IGFL2: variants seen among roughly 807,000 people sequenced by gnomAD.
IGFL2 encodes IGF like family member 2.
In IGFL2, 7 loss-of-function variants were observed where a neutral mutation model predicts 13.9. The ratio of observed to expected loss-of-function variants is 0.51; its 90% confidence interval spans 0.29 to 0.95. The LOEUF is 0.95. Ranked by LOEUF, IGFL2 falls within the 40% of genes least tolerant of loss-of-function variation. The pLI is 0.08. For synonymous variants in IGFL2, 55 were observed against 55.8 expected (o/e 0.99, Z 0.07); for missense variants, 138 against 147.8 (o/e 0.93, Z 0.34).
the IGFL2 span, among the ~76,000 whole-genome samples, chr19:46,098,527 T>C: frequency 6.7e-6 from 1 of 149,798 alleles, no homozygotes; most frequent in Admixed American, 6.7e-5. Context: ...CCACCCAGGC[T>C]GGAGTGCAGT....
chr19:46,161,747 A>G (rs545877793), downstream of IGFL2, among the ~76,000 whole-genome samples: 6 of 152,126 alleles, frequency 3.9e-5, no homozygotes, highest in Non-Finnish European at 5.9e-5. Flanking sequence ...ACAGCATACC[A>G]TTGGGTCTTG....
chr19:46,164,966 CCTAA>C (rs771500880), downstream of IGFL2, among the ~76,000 whole-genome samples: 2 of 152,112 alleles, frequency 1.3e-5, no homozygotes, highest in African/African-American at 2.4e-5. Flanking sequence ...ATGGTGTAGG[CCTAA>C]CTGTGTCCTA....
the IGFL2 span, among the ~76,000 whole-genome samples, chr19:46,118,164 A>G: frequency 6.6e-6 from 1 of 152,236 alleles, no homozygotes; most frequent in Non-Finnish European, 1.5e-5. Flanking sequence ...CTTTAACATT[A>G]AACCACCGAT....
the IGFL2 span, among the ~76,000 whole-genome samples, chr19:46,103,559 A>G: frequency 7.2e-5 from 11 of 152,284 alleles, no homozygotes; most frequent in African/African-American, 2.6e-4. Context: ...TGGGGATAGT[A>G]CTAGGAGATA....
chr19:46,145,596 A>ATGTGTGTGTG (rs1287833769), upstream of IGFL2, among the ~76,000 whole-genome samples: 30 of 58,604 alleles, frequency 5.1e-4, no homozygotes, highest in African/African-American at 1.5e-3. Context: ...ACACACTCAT[A>ATGTGTGTGTG]TATATGTGTG....
chr19:46,091,833 C>T, the IGFL2 span, among the ~76,000 whole-genome samples: 7 of 152,098 alleles, frequency 4.6e-5, no homozygotes, highest in Admixed American at 2.0e-4. Context: ...ATGACAAATA[C>T]AAAAGCATTT....
chr19:46,197,584 G>A, the IGFL2 span, among the ~76,000 whole-genome samples: 32 of 152,048 alleles, frequency 2.1e-4, no homozygotes, highest in African/African-American at 7.5e-4. Context: ...CAGACTGGAG[G>A]GCAGTGGCTC....
At chr19:46,152,614 A>G (rs1410697741) in intron 1 of IGFL2, among the ~76,000 whole-genome samples, 1 of 152,172 alleles carries the variant, frequency 6.6e-6, no homozygotes, top group Non-Finnish European at 1.5e-5. Flanking sequence ...AAATCATGTC[A>G]TTTGCAAATA....
At chr19:46,152,451 A>G (rs1273833722) in intron 1 of IGFL2, among the ~76,000 whole-genome samples, 1 of 151,584 alleles carries the variant, frequency 6.6e-6, no homozygotes, top group Non-Finnish European at 1.5e-5. Context: ...TAATTTTTTT[A>G]TGTTTTTATT....
chr19:46,124,480 G>A, the IGFL2 span: 1 of 1,122,938 alleles, frequency 8.9e-7, no homozygotes, highest in East Asian at 2.4e-5. Context: ...GCCCTGAGCA[G>A]CACGCTCAGT....
At chr19:46,107,520 G>C in the IGFL2 span, among the ~76,000 whole-genome samples, 25 of 152,210 alleles carry the variant, frequency 1.6e-4, no homozygotes, top group Non-Finnish European at 3.2e-4. Flanking sequence ...CAAGATCCTG[G>C]GGGAGGAGGT....
At chr19:46,101,470 T>A in the IGFL2 span, among the ~76,000 whole-genome samples, 1 of 151,956 alleles carries the variant, frequency 6.6e-6, no homozygotes, top group African/African-American at 2.4e-5. Flanking sequence ...GAGGGATGGG[T>A]CAGGGTCCAG....
At chr19:46,129,480 C>T in the IGFL2 span, among the ~76,000 whole-genome samples, 7 of 151,916 alleles carry the variant, frequency 4.6e-5, no homozygotes, top group East Asian at 1.4e-3. Context: ...AGTTCTGACT[C>T]TCTGAAGTGG....
the IGFL2 span, among the ~76,000 whole-genome samples, chr19:46,090,423 T>C: frequency 5.9e-5 from 9 of 152,242 alleles, no homozygotes; most frequent in Non-Finnish European, 1.5e-5. Context: ...CTCTGATTGT[T>C]CTTGATCTTG....
chr19:46,160,318 G>A, intron 1 of IGFL2, 97 bp from the exon 2 acceptor site: 1 of 1,046,746 alleles, frequency 9.6e-7, no homozygotes, highest in Non-Finnish European at 1.5e-6. Flanking sequence ...GAGCTAATCT[G>A]GAACTAAGCC....
the IGFL2 span, among the ~76,000 whole-genome samples, chr19:46,083,324 CTT>C: frequency 6.6e-6 from 1 of 152,136 alleles, no homozygotes; most frequent in Non-Finnish European, 1.5e-5. Context: ...ATTACTGAAA[CTT>C]ATTCACAAAA....
the IGFL2 span, among the ~76,000 whole-genome samples, chr19:46,126,131 G>C: frequency 6.6e-6 from 1 of 151,280 alleles, no homozygotes; most frequent in Non-Finnish European, 1.5e-5. Context: ...CACTTAGAAT[G>C]TTTATTAACA....
At chr19:46,167,741 C>T in the IGFL2 span, among the ~76,000 whole-genome samples, 1 of 152,100 alleles carries the variant, frequency 6.6e-6, no homozygotes, top group South Asian at 2.1e-4. Flanking sequence ...AGGGTAGGGC[C>T]CTGATCTGAT....
At chr19:46,176,819 T>C in the IGFL2 span, among the ~76,000 whole-genome samples, 126 of 152,286 alleles carry the variant, frequency 8.3e-4, 2 homozygotes, top group Middle Eastern at 0.017. Context: ...TTGCCTGAGA[T>C]GCGCCCCATC....
Sources: allele counts gnomAD v4.1 joint callset (sites outside exome capture counted in the v4.1 genomes callset), GRCh38; gene constraint gnomAD v4.1.1; transcripts MANE v1.5; gene names NCBI Gene and HGNC (gene_info 2026-07-23, HGNC 2026-07-21).